Variants in TENM2 observed in about 807,000 individuals in gnomAD.
TENM2 encodes teneurin transmembrane protein 2, also known as teneurin-2.
A neutral mutation model predicts 245.2 loss-of-function variants in TENM2; 52 were observed. That is an observed-to-expected ratio of 0.21 (90% CI 0.17 to 0.27). TENM2 has a LOEUF of 0.27. Ranked by LOEUF, TENM2 falls within the 10% of genes least tolerant of loss-of-function variation. TENM2 has a pLI of 1.00. For missense variants in TENM2, 3,046 were observed against 3,666.8 expected (o/e 0.83, Z 4.37); for synonymous variants, 1,363 against 1,438.9 (o/e 0.95, Z 1.19).
chr5:167,503,453 G>A (rs764414085), intron 2 of TENM2, among the ~76,000 whole-genome samples: 8 of 151,720 alleles, frequency 5.3e-5, no homozygotes, highest in Non-Finnish European at 1.0e-4. Flanking sequence ...GAAGAGAAAG[G>A]AGATGAGGGT....
intron 2 of TENM2, among the ~76,000 whole-genome samples, chr5:167,399,780 G>C (rs1342345063): frequency 6.6e-6 from 1 of 152,036 alleles, no homozygotes; most frequent in African/African-American, 2.4e-5. Context: ...TCTACTACCT[G>C]GTATAGGCAA....
chr5:167,486,624 G>A (rs549339989), intron 2 of TENM2, among the ~76,000 whole-genome samples: 2 of 152,178 alleles, frequency 1.3e-5, no homozygotes, highest in Non-Finnish European at 2.9e-5. Context: ...CACCGTGCCC[G>A]GCCTGCCATT....
At chr5:167,995,221 G>C (rs761973201) in intron 5 of TENM2, among the ~76,000 whole-genome samples, 4 of 152,128 alleles carry the variant, frequency 2.6e-5, no homozygotes, top group Non-Finnish European at 5.9e-5. Flanking sequence ...AGTTAAAGTA[G>C]AATAGCTTCC....
intron 2 of TENM2, among the ~76,000 whole-genome samples, chr5:167,866,218 G>C (rs1361548521): frequency 6.6e-6 from 1 of 152,246 alleles, no homozygotes; most frequent in Non-Finnish European, 1.5e-5. Flanking sequence ...GTGTTTGCCA[G>C]CTGGGCGTGG....
intron 2 of TENM2, among the ~76,000 whole-genome samples, chr5:167,780,538 T>C (rs946973699): frequency 3.5e-4 from 53 of 152,212 alleles, no homozygotes; most frequent in African/African-American, 1.2e-3. Flanking sequence ...GCTTGAGTGC[T>C]GTCTGGTGAT....
At chr5:167,443,688 T>TAG (rs1764992627) in intron 2 of TENM2, among the ~76,000 whole-genome samples, 1 of 152,204 alleles carries the variant, frequency 6.6e-6, no homozygotes, top group Non-Finnish European at 1.5e-5. Context: ...GTGAGGATAA[T>TAG]AGTATAAGTA....
At chr5:167,855,795 G>A in intron 2 of TENM2, among the ~76,000 whole-genome samples, 1 of 122,254 alleles carries the variant, frequency 8.2e-6, no homozygotes, top group Non-Finnish European at 1.7e-5. Context: ...GGAAGGAAGG[G>A]AGGAAAGGAG....
the TENM2 span, among the ~76,000 whole-genome samples, chr5:167,088,355 G>A: frequency 2.6e-5 from 4 of 152,196 alleles, no homozygotes; most frequent in South Asian, 2.1e-4. Flanking sequence ...GTTCGGGCGC[G>A]GTGACTCATG....
At chr5:167,730,162 C>T (rs141554416) in intron 2 of TENM2, among the ~76,000 whole-genome samples, 15 of 152,218 alleles carry the variant, frequency 9.9e-5, no homozygotes, top group Admixed American at 9.2e-4. Flanking sequence ...CCTGCAGTGC[C>T]GTTGTTCTCA....
rs79880629 is a variant in TENM2, at chr5:167,893,817, G to A, written c.712+17622G>A. Among the ~76,000 whole-genome samples the A allele has an allele frequency of 5.9e-5, 9 of 152,164 alleles. No homozygotes were observed. In the East Asian group the frequency reaches 1.7e-3, roughly 29 times the overall value. ...TATGGGTGACAGAGGAACTAAGTTTGGTGTGTCAGCCTTGATTTCTTATTA... is the reference window on the plus strand; with the variant it reads ...TATGGGTGACAGAGGAACTAAGTTTAGTGTGTCAGCCTTGATTTCTTATTA... On this transcript the variant is annotated intron_variant, in intron 3 of 28. Transcript: ENST00000518659.
intron 2 of TENM2, among the ~76,000 whole-genome samples, chr5:167,852,796 C>T (rs1770705730): frequency 6.6e-6 from 1 of 151,968 alleles, no homozygotes; most frequent in African/African-American, 2.4e-5. Flanking sequence ...CAGAATTAGA[C>T]AAAAAGGAAT....
chr5:167,962,266 G>T (rs576645414), intron 4 of TENM2, among the ~76,000 whole-genome samples: 1 of 151,216 alleles, frequency 6.6e-6, no homozygotes, highest in East Asian at 1.9e-4. Context: ...GAAGATAGGA[G>T]TGCCAAAACC....
At chr5:167,344,309 C>CACACAT (rs1554136979) in intron 1 of TENM2, among the ~76,000 whole-genome samples, 4 of 84,504 alleles carry the variant, frequency 4.7e-5, no homozygotes, top group East Asian at 2.7e-4. Flanking sequence ...CACACACACA[C>CACACAT]ATATATATAT....
intron 2 of TENM2, among the ~76,000 whole-genome samples, chr5:167,510,367 A>T (rs1301438875): frequency 6.6e-6 from 1 of 152,140 alleles, no homozygotes; most frequent in Admixed American, 6.6e-5. Context: ...GCATTTTGTG[A>T]TGCTACTAGT....
chr5:168,191,544 TC>T (rs971303282), intron 14 of TENM2, among the ~76,000 whole-genome samples: 1 of 152,092 alleles, frequency 6.6e-6, no homozygotes, highest in African/African-American at 2.4e-5. Context: ...GCTGGTCAGG[TC>T]CTTTTTCACA....
intron 9 of TENM2, among the ~76,000 whole-genome samples, chr5:168,117,207 A>T (rs369137991): frequency 6.6e-6 from 1 of 152,184 alleles, no homozygotes; most frequent in Non-Finnish European, 1.5e-5. Context: ...TCACCAACAG[A>T]TGGAAGAGGG....
intron 2 of TENM2, among the ~76,000 whole-genome samples, chr5:167,493,418 T>C (rs1052060690): frequency 6.6e-5 from 10 of 152,160 alleles, no homozygotes; most frequent in African/African-American, 1.9e-4. Flanking sequence ...TTTATTGTGA[T>C]GTTATGCAAA....
intron 2 of TENM2, among the ~76,000 whole-genome samples, chr5:167,560,906 T>A (rs1284184585): frequency 7.3e-6 from 1 of 136,618 alleles, no homozygotes; most frequent in Non-Finnish European, 1.7e-5. Context: ...TGTCATGAAC[T>A]GGGGAGAAGG....
chr5:168,225,659 G>A (rs1016489940), intron 23 of TENM2, among the ~76,000 whole-genome samples: 2 of 151,890 alleles, frequency 1.3e-5, no homozygotes, highest in African/African-American at 4.8e-5. Flanking sequence ...TGCTCGGGAG[G>A]CTGAGGCAGG....
Sources: gnomAD v4.1 joint callset for allele counts (sites outside exome capture counted in the v4.1 genomes callset) on GRCh38, gnomAD v4.1.1 for gene constraint, MANE v1.5 for transcripts, NCBI Gene and HGNC (gene_info 2026-07-23, HGNC 2026-07-21) for gene names.